Variants in CCT5 observed in about 807,000 individuals in gnomAD.
CCT5 encodes T-complex protein 1 subunit epsilon.
A neutral mutation model predicts 55.0 loss-of-function variants in CCT5; 6 were observed. The ratio of observed to expected loss-of-function variants is 0.11; its 90% CI spans 0.06 to 0.22. The LOEUF (loss-of-function observed/expected upper bound fraction) is 0.22, where lower values mean the gene tolerates loss of function less well. CCT5 is among the 10% of genes least tolerant of loss of function. The pLI is 1.00. For missense variants in CCT5, 560 were observed against 694.6 expected (o/e 0.81, Z 2.18); for synonymous variants, 231 against 243.7 (o/e 0.95, Z 0.49).
intron 1 of CCT5, among the ~76,000 whole-genome samples, chr5:10,253,196 GGCGCGTGCC>G (rs1403472874): frequency 6.6e-6 from 1 of 152,178 alleles, no homozygotes; most frequent in East Asian, 1.9e-4. Flanking sequence ...AGGGCGTCAT[GGCGCGTGCC>G]TGTAATCCCA....
chr5:10,256,185 T>G (rs971821055), intron 4 of CCT5, 32 bp downstream of exon 4: 2 of 1,580,180 alleles, frequency 1.3e-6, no homozygotes, highest in Admixed American at 3.4e-5. Context: ...GATTACCCAT[T>G]TGTAGAGGAG....
chr5:10,262,769 TC>T lies in CCT5; in HGVS notation c.1317+153del, dbSNP rs1172189870. ...TTTTAATCTAAGTTAATTCCCACGT[TC>T]CTGTATTCAGATTCTGGTTACCATA... is the stretch of plus-strand genomic sequence containing the variant. On this transcript the variant is annotated intron_variant, in intron 9 of 10. Transcript: ENST00000280326. 1.3e-5 allele frequency: 11 copies of T among 843,056 alleles called. No individual in the cohort carries two copies. The African/African-American group carries it at 1.6e-4, about 13-fold the overall frequency. The allele number at this position is 843,056 out of a possible 1,614,324, so 52.2% of individuals were successfully genotyped here.
Position 10,254,784 on chromosome 5 carries a change from G to C in CCT5, c.277G>C (p.Glu93Gln). The C allele has an allele frequency of 6.2e-7, 1 of 1,614,038 alleles. No individual in the cohort carries two copies. The highest frequency in any genetic ancestry group is 2.2e-5 in the East Asian group (1 of 44,886). ...VDHQIAKLMV[E>Q]LSKSQDDEIG... ...TCATCAGATTGCCAAGCTGATGGTGGAACTGTCCAAGTCTCAGGATGATGA... is the reference window on the plus strand; with the variant it reads ...TCATCAGATTGCCAAGCTGATGGTGCAACTGTCCAAGTCTCAGGATGATGA... Residue 93 changes from glutamate to glutamine, a missense_variant, in exon 3 of 11, where the codon GAA (glutamate) becomes CAA (glutamine). Around this residue, in one of 4 missense-constraint regions of CCT5, gnomAD observed 137 missense variants for 181.9 expected, o/e 0.75. Transcript: ENST00000280326.
intron 1 of CCT5, among the ~76,000 whole-genome samples, chr5:10,253,293 C>T (rs1160903585): frequency 2.0e-5 from 3 of 150,296 alleles, no homozygotes; most frequent in Non-Finnish European, 2.9e-5. Context: ...CATGCCACTG[C>T]ACTCCAGCCT....
intron 6 of CCT5, among the ~76,000 whole-genome samples, chr5:10,259,278 G>C (rs1019308738): frequency 6.6e-6 from 1 of 152,160 alleles, no homozygotes; most frequent in Non-Finnish European, 1.5e-5. Context: ...ACTCCTCTTT[G>C]GGGGCTGCGT....
chr5:10,254,896 C>A, intron 3 of CCT5, 58 bp downstream of exon 3: 1 of 1,413,810 alleles, frequency 7.1e-7, no homozygotes. Context: ...GACCACAGGG[C>A]TAACATGCCT....
intron 7 of CCT5, chr5:10,261,273 A>G (rs1745945723): frequency 4.0e-6 from 2 of 502,364 alleles, no homozygotes; most frequent in Admixed American, 6.5e-5. Context: ...CTGGGTTCCC[A>G]GAGTGAGGGA....
chr5:10,264,780 A>AT lies in CCT5; in HGVS notation c.1624dup (p.Ter542LeufsTer16), dbSNP rs1561053516. 1 of 1,611,576 alleles carries AT rather than the reference A, an allele frequency of 6.2e-7. No individual in the cohort carries two copies. ...TTCGTAAGCCTGGAGAATCTGAAGA[A>AT]TGAAGACATTGAGAAAACTATGTAG... On this transcript the variant is annotated frameshift_variant, in exon 11 of 11. Coordinates refer to ENST00000280326, the MANE Select transcript of CCT5 (RefSeq NM_012073.5). LOFTEE classifies it high-confidence loss of function.
rs1745318737 is a variant in CCT5, at chr5:10,250,431, C to T, written c.91C>T (p.Leu31Phe). The change falls in exon 1 of 11, where the codon CTT becomes TTT. Residue 31 changes from leucine to phenylalanine, a missense_variant. This residue lies in a region of CCT5 where 137 missense variants were observed against 181.9 expected (regional missense o/e 0.75). Coordinates refer to ENST00000280326, the MANE Select transcript of CCT5 (RefSeq NM_012073.5). ...DQDRKSRLMG[L>F]EALKSHIMAA... is the part of the protein sequence containing the mutation. ...GGACCGCAAGTCCCGTCTTATGGGA[C>T]TTGAGGCCCTCAAGGTAATGGCACA... 1.2e-6 allele frequency: 2 copies of T among 1,613,462 alleles called. No individual in the cohort carries two copies. The highest frequency in any genetic ancestry group is 1.7e-5 in the Admixed American group (1 of 60,016).
chr5:10,261,138 C>G lies in CCT5; in HGVS notation c.993+227C>G, dbSNP rs2607314. 467,696 of 584,182 alleles carry G rather than the reference C, an allele frequency of 0.8. 191,687 individuals are homozygous for G. Among genetic ancestry groups the G allele is most frequent in the East Asian group, 0.89 (27,865 of 31,334 alleles). The allele number at this position is 584,182 out of a possible 1,614,324, so 36.2% of individuals were successfully genotyped here. ...TTTTGAAATTCTCTCCCTGTGTTGT[C>G]TCACTTGGCCCTGTCGTTGACTTAC... On this transcript the variant is annotated intron_variant, in intron 7 of 10. Coordinates refer to ENST00000280326, the MANE Select transcript of CCT5 (RefSeq NM_012073.5).
intron 6 of CCT5, among the ~76,000 whole-genome samples, chr5:10,259,967 C>T (rs1745875846): frequency 6.6e-6 from 1 of 152,182 alleles, no homozygotes; most frequent in Admixed American, 6.5e-5. Context: ...AGGACCCTCT[C>T]CTGTTCTGAG....
chr5:10,250,894 G>A (rs1745362552), intron 1 of CCT5: 2 of 1,033,460 alleles, frequency 1.9e-6, no homozygotes, highest in Non-Finnish European at 2.3e-6. Context: ...ACTCGTAAAG[G>A]TGTGGTCACT....
chr5:10,249,933 A>C, upstream of CCT5: 1 of 518,226 alleles, frequency 1.9e-6, no homozygotes, highest in Non-Finnish European at 2.5e-6. Flanking sequence ...AAAAAAAAAA[A>C]ACCGGAAATG....
chr5:10,263,538 G>C (rs1250543611), intron 10 of CCT5, among the ~76,000 whole-genome samples: 2 of 152,132 alleles, frequency 1.3e-5, no homozygotes, highest in African/African-American at 4.8e-5. Context: ...AGTGCATATG[G>C]TACTATCACC....
At chr5:10,254,542 A>G (rs986768940) in intron 2 of CCT5, 132 bp from the exon 3 acceptor site, 41 of 805,308 alleles carry the variant, frequency 5.1e-5, no homozygotes, top group East Asian at 7.8e-5. Flanking sequence ...TGCAGCTACT[A>G]TTTTGTGTAT....
chr5:10,254,161 C>G lies in CCT5; in HGVS notation c.122C>G (p.Ala41Gly), dbSNP rs1337016126. The change falls in exon 2 of 11, where the codon GCA becomes GGA. Residue 41 changes from alanine (A) to glycine (G), a missense_variant. Transcript: ENST00000280326. ...LEALKSHIMA[A>G]KAVANTMRTS... ...TTTCATTAGTCTCATATAATGGCAG[C>G]AAAGGCTGTAGCAAATACAATGAGA... 4.3e-6 allele frequency: 7 copies of G among 1,609,292 alleles called. No individual in the cohort carries two copies. In the African/African-American group the frequency reaches 6.7e-5, roughly 15 times the overall value.
intron 6 of CCT5, among the ~76,000 whole-genome samples, chr5:10,259,985 G>C (rs1745876912): frequency 6.6e-6 from 1 of 152,228 alleles, no homozygotes; most frequent in Admixed American, 6.5e-5. Flanking sequence ...GAGCATGTGA[G>C]AGGGAAAGCA....
rs186784160 is a variant in CCT5 at position 10,252,635 on chromosome 5, G to A, written c.106-1510G>A. On this transcript the variant is annotated intron_variant, in intron 1 of 10. Coordinates refer to ENST00000280326, the MANE Select transcript of CCT5 (RefSeq NM_012073.5). ...GTCTCAAAAAAAAAAAAAAAAAGGT[G>A]CAGGCATTAGTTGGCTTAGGAAGGA... is the stretch of plus-strand genomic sequence containing the variant. Among the ~76,000 whole-genome samples, 328 of 144,336 alleles carry A rather than the reference G, an allele frequency of 2.3e-3. 3 individuals are homozygous for A. The highest frequency in any genetic ancestry group is 2.6e-3 in the Non-Finnish European group (173 of 65,446). 94.7% of individuals were successfully genotyped at this position (144,336 alleles called of 152,430 possible).
chr5:10,254,499 C>G (rs1171656632), intron 2 of CCT5, 175 bp from the exon 3 acceptor site: 1 of 663,640 alleles, frequency 1.5e-6, no homozygotes, highest in Admixed American at 2.3e-5. Flanking sequence ...TAATGTTTTG[C>G]CAATTATGTT....
Sources: gnomAD v4.1 joint callset for allele counts (sites outside exome capture counted in the v4.1 genomes callset) on GRCh38, gnomAD v4.1.1 for gene constraint, gnomAD v4.1.1 regional missense constraint, MANE v1.5 for transcripts, NCBI Gene and HGNC (gene_info 2026-07-23, HGNC 2026-07-21) for gene names.